SORCS2: variants seen among roughly 807,000 people sequenced by gnomAD.
SORCS2 encodes sortilin related VPS10 domain containing receptor 2, also known as VPS10 domain-containing receptor SorCS2.
In SORCS2, 100 loss-of-function variants were observed where a neutral mutation model predicts 141.6. The observed-to-expected ratio is 0.71, with a 90% CI of 0.60 to 0.83. The LOEUF (loss-of-function observed/expected upper bound fraction) is 0.83. Ranked by LOEUF, SORCS2 falls within the 40% of genes least tolerant of loss-of-function variation. The probability of loss-of-function intolerance (pLI) is 0.00; values close to 1 mark genes in which losing one functional copy is unlikely to be tolerated. For missense variants in SORCS2, 1,646 were observed against 1,560.2 expected (o/e 1.05, Z -0.93); for synonymous variants, 789 against 676.9 (o/e 1.17, Z -2.57).
Position 7,731,822 on chromosome 4 carries a change from A to G in SORCS2, c.3109-1500A>G, listed in dbSNP as rs560756941. 1.1e-4 allele frequency among the ~76,000 whole-genome samples: 17 copies of G among 152,378 alleles called. No homozygotes were observed. In the South Asian group the frequency reaches 3.1e-3, roughly 28 times the overall value. On this transcript the variant is annotated intron_variant, in intron 23 of 26. Transcript: ENST00000507866. ...AAATCCAGCTCAGAGTGGATTAAAG[A>G]CAAACGTAAGACCTGAATCTGTAAA...
intron 3 of SORCS2, among the ~76,000 whole-genome samples, chr4:7,543,487 T>C (rs1262783623): frequency 1.8e-4 from 20 of 114,132 alleles, no homozygotes; most frequent in African/African-American, 5.8e-4. Flanking sequence ...ATTCACCCAC[T>C]CATCCATCCA....
At chr4:7,231,310 A>G (rs1371203770) in intron 1 of SORCS2, among the ~76,000 whole-genome samples, 1 of 152,232 alleles carries the variant, frequency 6.6e-6, no homozygotes, top group Non-Finnish European at 1.5e-5. Flanking sequence ...GCTGGCCTGC[A>G]TTGTGGAGGG....
chr4:7,312,924 A>T (rs1355424082), intron 1 of SORCS2, among the ~76,000 whole-genome samples: 1 of 152,202 alleles, frequency 6.6e-6, no homozygotes, highest in African/African-American at 2.4e-5. Flanking sequence ...CTCCCTGCAG[A>T]GCTGCAGCTG....
intron 1 of SORCS2, among the ~76,000 whole-genome samples, chr4:7,345,178 G>A (rs938298313): frequency 1.3e-5 from 2 of 152,200 alleles, no homozygotes; most frequent in Non-Finnish European, 2.9e-5. Context: ...GTAGAAGCTT[G>A]TTCCAGAGAG....
chr4:7,439,887 T>C (rs1319332782), intron 2 of SORCS2, among the ~76,000 whole-genome samples: 2 of 152,110 alleles, frequency 1.3e-5, no homozygotes, highest in African/African-American at 4.8e-5. Flanking sequence ...AATGTTTCTG[T>C]AGGGTGTGCA....
intron 8 of SORCS2, among the ~76,000 whole-genome samples, chr4:7,672,303 A>T: frequency 6.6e-6 from 1 of 152,206 alleles, no homozygotes; most frequent in Admixed American, 6.5e-5. Flanking sequence ...GACTTATTAC[A>T]TACAAGCAAT....
At chr4:7,299,002 T>C (rs1008588030) in intron 1 of SORCS2, among the ~76,000 whole-genome samples, 3 of 152,214 alleles carry the variant, frequency 2.0e-5, no homozygotes, top group Non-Finnish European at 4.4e-5. Flanking sequence ...AGTGGGGCAT[T>C]AGCGGGAGGC....
Position 7,676,239 on chromosome 4 carries a change from G to C in SORCS2, c.1341+10G>C, listed in dbSNP as rs1723099582. ...CATCGACATCCTGGAGGTGGGTCCA[G>C]GGTGGATGTGGGCCAGGTCTGCCGC... On this transcript the variant is annotated intron_variant, in intron 9 of 26. Transcript: ENST00000507866. The C allele has an allele frequency of 6.5e-6, 10 of 1,548,484 alleles. No individual in the cohort carries two copies. The highest frequency in any genetic ancestry group is 8.7e-6 in the Non-Finnish European group (10 of 1,145,856).
chr4:7,555,318 A>C (rs1714028439), intron 3 of SORCS2, among the ~76,000 whole-genome samples: 1 of 152,268 alleles, frequency 6.6e-6, no homozygotes, highest in Non-Finnish European at 1.5e-5. Context: ...AAAAGCAGGC[A>C]GCATCCTGAG....
intron 3 of SORCS2, among the ~76,000 whole-genome samples, chr4:7,629,938 T>TC (rs1719773332): frequency 6.6e-6 from 1 of 152,224 alleles, no homozygotes; most frequent in East Asian, 1.9e-4. Context: ...TTTTATTTAT[T>TC]CCCCAGCAAA....
At chr4:7,626,754 A>T (rs1363393129) in intron 3 of SORCS2, among the ~76,000 whole-genome samples, 1 of 152,040 alleles carries the variant, frequency 6.6e-6, no homozygotes, top group Non-Finnish European at 1.5e-5. Flanking sequence ...TGTCTTTTGC[A>T]CTCAGCTGTA....
At chr4:7,222,749 G>T (rs1237398158) in intron 1 of SORCS2, among the ~76,000 whole-genome samples, 1 of 152,090 alleles carries the variant, frequency 6.6e-6, no homozygotes, top group African/African-American at 2.4e-5. Context: ...GAAAGGGCAG[G>T]TGTAGGGAGG....
chr4:7,327,971 C>T (rs1190962595), intron 1 of SORCS2, among the ~76,000 whole-genome samples: 3 of 150,636 alleles, frequency 2.0e-5, no homozygotes, highest in African/African-American at 7.3e-5. Context: ...TTCTCTTCCT[C>T]ATCATCAGAG....
chr4:7,396,855 T>G (rs10937814), intron 2 of SORCS2, among the ~76,000 whole-genome samples: 50,236 of 152,082 alleles, frequency 0.33, 9,698 homozygotes, highest in East Asian at 0.77. Context: ...GTGAATTCAG[T>G]CCAGGAACAT....
intron 24 of SORCS2, 44 bp from the exon 25 acceptor site, chr4:7,734,228 G>C: frequency 1.4e-6 from 2 of 1,438,594 alleles, no homozygotes; most frequent in Non-Finnish European, 1.9e-6. Flanking sequence ...GGACAGGGAT[G>C]GGCGGTGCCC....
Position 7,374,178 on chromosome 4 carries a change from T to C in SORCS2, c.481-22110T>C, listed in dbSNP as rs563354802. ...TTCTTTCTTTCTTTCTTTCTTTCTT[T>C]CTTTCTTTCTTTCTTTCTTTTTTGC... On this transcript the variant is annotated intron_variant, in intron 1 of 26. Transcript: ENST00000507866. 2.4e-3 allele frequency among the ~76,000 whole-genome samples: 319 copies of C among 132,648 alleles called. 3 individuals are homozygous for C. The highest frequency in any genetic ancestry group is 9.1e-3 in the African/African-American group (307 of 33,754). 87.0% of individuals were successfully genotyped at this position (132,648 alleles called of 152,430 possible).
chr4:7,707,826 C>T (rs576642389), intron 14 of SORCS2, among the ~76,000 whole-genome samples: 201 of 152,336 alleles, frequency 1.3e-3, no homozygotes, highest in African/African-American at 4.6e-3. Flanking sequence ...TGGGGATGAG[C>T]TTGTGCAAGC....
chr4:7,231,637 G>A (rs1711896673), intron 1 of SORCS2, among the ~76,000 whole-genome samples: 1 of 152,198 alleles, frequency 6.6e-6, no homozygotes, highest in Admixed American at 6.5e-5. Context: ...AGATGAACGG[G>A]GCAGCCTACT....
At chr4:7,207,375 T>C (rs1431573479) in intron 1 of SORCS2, among the ~76,000 whole-genome samples, 1 of 152,050 alleles carries the variant, frequency 6.6e-6, no homozygotes, top group Non-Finnish European at 1.5e-5. Context: ...CCGACGTGAG[T>C]CACCGGGCTG....
Sources: gnomAD v4.1 joint callset for allele counts (sites outside exome capture counted in the v4.1 genomes callset) on GRCh38, gnomAD v4.1.1 for gene constraint, MANE v1.5 for transcripts, NCBI Gene and HGNC (gene_info 2026-07-23, HGNC 2026-07-21) for gene names.